The following SLC25A21 variants were observed in gnomAD, a reference collection of about 807,000 sequenced individuals.
SLC25A21 encodes solute carrier family 25 member 21.
A neutral mutation model predicts 43.8 loss-of-function variants in SLC25A21; 47 were observed. The observed-to-expected ratio is 1.07, with a 90% CI of 0.85 to 1.37. SLC25A21 has a LOEUF of 1.37. Among genes scored for constraint, SLC25A21 ranks in the 40% most tolerant of loss-of-function variants. The pLI, the probability that SLC25A21 is intolerant of heterozygous loss-of-function variation, is 0.00. For synonymous variants in SLC25A21, 131 were observed against 121.3 expected (o/e 1.08, Z -0.52); for missense variants, 352 against 350.2 (o/e 1.00, Z -0.04).
intron 3 of SLC25A21, among the ~76,000 whole-genome samples, chr14:36,755,955 T>C (rs546629165): frequency 6.6e-6 from 1 of 152,256 alleles, no homozygotes; most frequent in South Asian, 2.1e-4. Context: ...CTTCCAACCA[T>C]CCAGCCACAT....
chr14:36,842,043 G>A (rs1250731348), intron 2 of SLC25A21, among the ~76,000 whole-genome samples: 2 of 152,096 alleles, frequency 1.3e-5, no homozygotes, highest in South Asian at 2.1e-4. Context: ...ATGTTTCCAC[G>A]TGGTTTGCCT....
At chr14:36,691,160 G>A (rs919397897) in intron 7 of SLC25A21, among the ~76,000 whole-genome samples, 7 of 152,224 alleles carry the variant, frequency 4.6e-5, no homozygotes, top group South Asian at 4.1e-4. Flanking sequence ...CCAAAGTATC[G>A]GTGACTCTGA....
chr14:36,838,025 G>A (rs1166912458), intron 2 of SLC25A21, among the ~76,000 whole-genome samples: 1 of 152,176 alleles, frequency 6.6e-6, no homozygotes, highest in East Asian at 1.9e-4. Flanking sequence ...CCTTCCCTGT[G>A]GAAGACTGAT....
At chr14:36,818,165 T>C (rs1229692133) in intron 2 of SLC25A21, among the ~76,000 whole-genome samples, 4 of 152,146 alleles carry the variant, frequency 2.6e-5, no homozygotes, top group African/African-American at 9.7e-5. Flanking sequence ...ACCACTCTTA[T>C]TGGGGATGAT....
At chr14:37,037,052 C>T (rs192293417) in intron 1 of SLC25A21, among the ~76,000 whole-genome samples, 2 of 152,264 alleles carry the variant, frequency 1.3e-5, no homozygotes, top group East Asian at 3.9e-4. Flanking sequence ...TGCCCTGGTA[C>T]ATGCATCATT....
intron 1 of SLC25A21, among the ~76,000 whole-genome samples, chr14:36,973,019 ATTTATTTTATTTTAT>A (rs36001814): frequency 1.2e-3 from 160 of 128,986 alleles, no homozygotes; most frequent in African/African-American, 3.7e-3. Flanking sequence ...TTATTTATTT[ATTTATTTTATTTTAT>A]TTTATTTTAT....
At chr14:36,830,659 ATTAAGT>A (rs1437672215) in intron 2 of SLC25A21, among the ~76,000 whole-genome samples, 1 of 152,146 alleles carries the variant, frequency 6.6e-6, no homozygotes, top group Non-Finnish European at 1.5e-5. Context: ...GTAAACTGTC[ATTAAGT>A]TTGAGTATCA....
intron 1 of SLC25A21, among the ~76,000 whole-genome samples, chr14:36,890,390 TATA>T (rs553030015): frequency 9.5e-4 from 145 of 152,200 alleles, no homozygotes; most frequent in African/African-American, 3.4e-3. Flanking sequence ...AGCGAGTAAT[TATA>T]ATGATTGGCC....
intron 1 of SLC25A21, among the ~76,000 whole-genome samples, chr14:37,075,718 A>T (rs151083938): frequency 7.9e-5 from 12 of 152,340 alleles, no homozygotes; most frequent in African/African-American, 2.4e-4. Flanking sequence ...TCGAATATAC[A>T]TGTGGATTTA....
intron 2 of SLC25A21, among the ~76,000 whole-genome samples, chr14:36,816,656 T>C (rs1888467025): frequency 6.6e-6 from 1 of 151,984 alleles, no homozygotes; most frequent in Non-Finnish European, 1.5e-5. Context: ...TGCACCATCA[T>C]GCCTAGCTAA....
At chr14:36,978,503 C>A (rs1343434082) in intron 1 of SLC25A21, among the ~76,000 whole-genome samples, 1 of 152,116 alleles carries the variant, frequency 6.6e-6, no homozygotes, top group Non-Finnish European at 1.5e-5. Flanking sequence ...CTGCCACAAA[C>A]CTTCAATTTG....
intron 1 of SLC25A21, among the ~76,000 whole-genome samples, chr14:36,925,349 T>C (rs933891938): frequency 3.9e-5 from 6 of 152,140 alleles, no homozygotes; most frequent in African/African-American, 1.4e-4. Context: ...AAACCCACTT[T>C]CAGTATAAAA....
chr14:36,901,375 T>C (rs1444051268), intron 1 of SLC25A21, among the ~76,000 whole-genome samples: 1 of 152,194 alleles, frequency 6.6e-6, no homozygotes, highest in Non-Finnish European at 1.5e-5. Flanking sequence ...CTCATAGTCA[T>C]ATGGAATAAA....
At chr14:36,985,589 C>T (rs1411775823) in intron 1 of SLC25A21, among the ~76,000 whole-genome samples, 4 of 152,130 alleles carry the variant, frequency 2.6e-5, no homozygotes, top group South Asian at 2.1e-4. Context: ...TCTTTCTTTA[C>T]GATTAGATTC....
intron 1 of SLC25A21, among the ~76,000 whole-genome samples, chr14:36,954,962 C>G (rs1284906040): frequency 6.6e-6 from 1 of 152,170 alleles, no homozygotes; most frequent in South Asian, 2.1e-4. Flanking sequence ...GCATATGTAC[C>G]TCCCAACCCT....
At chr14:36,775,394 C>T (rs1011186044) in intron 3 of SLC25A21, among the ~76,000 whole-genome samples, 7 of 152,164 alleles carry the variant, frequency 4.6e-5, no homozygotes, top group Non-Finnish European at 1.0e-4. Flanking sequence ...CGAAAAAAAT[C>T]GTTTCCCAGC....
intron 1 of SLC25A21, among the ~76,000 whole-genome samples, chr14:37,054,184 A>G (rs185202798): frequency 2.0e-5 from 3 of 152,158 alleles, no homozygotes; most frequent in African/African-American, 7.2e-5. Flanking sequence ...TGTCCTTATA[A>G]GATAGTTCTA....
At chr14:36,757,090 C>CAA (rs58430384) in intron 3 of SLC25A21, among the ~76,000 whole-genome samples, 216 of 125,786 alleles carry the variant, frequency 1.7e-3, no homozygotes, top group Middle Eastern at 4.1e-3. Context: ...CCCATCTTTA[C>CAA]AAAAAAAAAA....
intron 2 of SLC25A21, among the ~76,000 whole-genome samples, chr14:36,858,038 G>A (rs1416476227): frequency 1.3e-5 from 2 of 152,180 alleles, no homozygotes; most frequent in East Asian, 3.8e-4. Context: ...GTCATTTGTG[G>A]TTGACAAGGA....
Sources: allele counts gnomAD v4.1 joint callset (sites outside exome capture counted in the v4.1 genomes callset), GRCh38; gene constraint gnomAD v4.1.1; transcripts MANE v1.5; gene names NCBI Gene and HGNC (gene_info 2026-07-23, HGNC 2026-07-21).